The following ZNF277 variants were observed in gnomAD, a reference collection of about 807,000 sequenced individuals.
ZNF277 encodes nuclear receptor-interacting factor 4.
ZNF277 carries 55 observed loss-of-function variants against 60.7 expected under a neutral mutation model. The observed-to-expected ratio is 0.91, with a 90% confidence interval of 0.73 to 1.13. The LOEUF (loss-of-function observed/expected upper bound fraction) is 1.13. ZNF277 is among the 50% of genes most tolerant of loss of function. The pLI is 0.00. For synonymous variants in ZNF277, 178 were observed against 179.3 expected, an observed-to-expected ratio of 0.99 and a Z score of 0.06; for missense variants, 510 against 523.0, an observed-to-expected ratio of 0.98 and a Z score of 0.24.
chr7:112,262,234 TA>T (rs1328117661), intron 1 of ZNF277, among the ~76,000 whole-genome samples: 2 of 54,932 alleles, frequency 3.6e-5, no homozygotes, highest in East Asian at 8.2e-4. Context: ...CTGAGACATT[TA>T]AAAAAGCAAT....
chr7:112,275,695 A>C (rs955885902), intron 1 of ZNF277, among the ~76,000 whole-genome samples: 1 of 152,310 alleles, frequency 6.6e-6, no homozygotes, highest in Admixed American at 6.5e-5. Context: ...TAATATTTCA[A>C]AAAGCTGCTT....
chr7:112,266,702 A>G (rs781751330), intron 1 of ZNF277, among the ~76,000 whole-genome samples: 2 of 152,180 alleles, frequency 1.3e-5, no homozygotes, highest in African/African-American at 2.4e-5. Flanking sequence ...AGAAAATCCT[A>G]CGGAAACCTT....
At position 112,294,527 on chromosome 7, in the gene ZNF277, G is replaced by A. The variant is rs996926824; in HGVS notation, c.294-1342G>A. On this transcript the variant is annotated intron_variant, in intron 2 of 11. Coordinates refer to ENST00000361822, the MANE Select transcript of ZNF277 (RefSeq NM_021994.3). ...ATACAAGTTAGCACTGTTTTATAAG[G>A]AAAGGGTTCTCCCCTTACTTACCCA... Among the ~76,000 whole-genome samples the A allele has an allele frequency of 2.6e-5, 4 of 152,164 alleles. No homozygotes were observed. In the South Asian group the frequency reaches 8.3e-4, roughly 32 times the overall value.
At chr7:112,215,720 A>G (rs567222114) in intron 1 of ZNF277, among the ~76,000 whole-genome samples, 2 of 152,182 alleles carry the variant, frequency 1.3e-5, no homozygotes, top group South Asian at 4.2e-4. Context: ...TCCTCATTTC[A>G]TGTTTTTTTC....
chr7:112,224,481 A>G (rs1262482475), intron 1 of ZNF277, among the ~76,000 whole-genome samples: 1 of 152,358 alleles, frequency 6.6e-6, no homozygotes, highest in East Asian at 1.9e-4. Context: ...GTGGGAATTT[A>G]TAGTCAAGAA....
At chr7:112,210,894 T>C (rs79072766) in intron 1 of ZNF277, among the ~76,000 whole-genome samples, 3,989 of 152,358 alleles carry the variant, frequency 0.026, 161 homozygotes, top group African/African-American at 0.091. Context: ...CGTGGTGTCA[T>C]TGGCATTTGT....
In ZNF277 at chr7:112,289,892, AT is replaced by A. The variant is rs541713440; in HGVS notation, c.293+2830del. 6.9e-3 allele frequency among the ~76,000 whole-genome samples: 1,012 copies of A among 146,846 alleles called. 4 individuals carry two copies. The highest frequency in any genetic ancestry group is 0.035 in the Middle Eastern group (10 of 284). ...AGGCATGCACCACTACGCCTGGCTA[AT>A]TTTTTTTTTTTCTTATACTTTAAGT... On this transcript the variant is annotated intron_variant, in intron 2 of 11. Transcript: ENST00000361822.
At chr7:112,241,718 G>A (rs1462535085) in intron 1 of ZNF277, among the ~76,000 whole-genome samples, 1 of 152,068 alleles carries the variant, frequency 6.6e-6, no homozygotes, top group African/African-American at 2.4e-5. Context: ...GGATGGAATT[G>A]GAGGACATTT....
intron 10 of ZNF277, 28 bp downstream of exon 10, chr7:112,339,913 G>T: frequency 6.2e-7 from 1 of 1,602,708 alleles, no homozygotes; most frequent in South Asian, 1.1e-5. Context: ...GTTTTTTTCT[G>T]TGATGCTTCA....
In ZNF277 at chr7:112,287,065, A is replaced by T; in HGVS notation, c.284A>T (p.Asp95Val). Residue 95 changes from aspartate (D) to valine (V), a missense_variant, in exon 2 of 12, where the codon GAT becomes GTT. Asp to Val is a radical substitution (Grantham distance 152). Transcript: ENST00000361822. The part of the protein sequence containing the change: ...IVIADVKLVA[D>V]FQRYILYWRK... The stretch of plus-strand genomic sequence containing the variant: ...ATAGCTGATGTCAAGTTGGTTGCTG[A>T]TTTCCAAAGGTAAGTTCTGTTTTTG... The T allele has an allele frequency of 6.2e-7, 1 of 1,613,870 alleles. No homozygotes were observed. Among genetic ancestry groups the T allele is most frequent in the Non-Finnish European group, 8.5e-7 (1 of 1,179,890 alleles).
At chr7:112,322,907 T>A (rs1014893699) in intron 5 of ZNF277, among the ~76,000 whole-genome samples, 1 of 152,198 alleles carries the variant, frequency 6.6e-6, no homozygotes, top group Non-Finnish European at 1.5e-5. Flanking sequence ...GTTTAGTGAC[T>A]TTCCTGGACT....
intron 1 of ZNF277, among the ~76,000 whole-genome samples, chr7:112,271,554 A>T (rs1368478866): frequency 6.6e-6 from 1 of 152,232 alleles, no homozygotes; most frequent in Non-Finnish European, 1.5e-5. Flanking sequence ...AAGACTGCTT[A>T]TAACTACATT....
At chr7:112,252,627 A>G (rs1791225249) in intron 1 of ZNF277, among the ~76,000 whole-genome samples, 2 of 152,176 alleles carry the variant, frequency 1.3e-5, no homozygotes, top group Admixed American at 1.3e-4. Context: ...GGCATACAAT[A>G]TAATTTACCA....
intron 1 of ZNF277, among the ~76,000 whole-genome samples, chr7:112,273,971 G>A (rs1791737374): frequency 6.6e-6 from 1 of 151,620 alleles, no homozygotes; most frequent in African/African-American, 2.4e-5. Context: ...AGAACTAAAA[G>A]ACAATTTATT....
chr7:112,331,948 C>T (rs746797725), intron 7 of ZNF277, among the ~76,000 whole-genome samples: 4 of 152,184 alleles, frequency 2.6e-5, no homozygotes, highest in Non-Finnish European at 5.9e-5. Context: ...GAGGAGACTT[C>T]AAGGGATTTG....
intron 1 of ZNF277, among the ~76,000 whole-genome samples, chr7:112,240,868 G>T (rs1338711368): frequency 6.6e-6 from 1 of 152,134 alleles, no homozygotes; most frequent in Non-Finnish European, 1.5e-5. Context: ...ATGGATTAAA[G>T]ACTTAAATCT....
chr7:112,261,831 CTT>C (rs1348275925), intron 1 of ZNF277, among the ~76,000 whole-genome samples: 2 of 152,014 alleles, frequency 1.3e-5, no homozygotes, highest in Non-Finnish European at 2.9e-5. Flanking sequence ...TAATAGAAAA[CTT>C]TTTTAAAGCA....
intron 2 of ZNF277, chr7:112,288,567 A>T (rs1792123272): frequency 6.6e-6 from 1 of 152,202 alleles, no homozygotes; most frequent in African/African-American, 2.4e-5. Flanking sequence ...CTCATCTATA[A>T]AATGGGGGTA....
At chr7:112,327,126 C>T (rs1468545313) in intron 5 of ZNF277, among the ~76,000 whole-genome samples, 2 of 152,088 alleles carry the variant, frequency 1.3e-5, no homozygotes, top group Non-Finnish European at 2.9e-5. Context: ...GCCTCTTACT[C>T]GTCTCCATGA....
Sources: gnomAD v4.1 joint callset for allele counts (sites outside exome capture counted in the v4.1 genomes callset) on GRCh38, gnomAD v4.1.1 for gene constraint, MANE v1.5 for transcripts, NCBI Gene and HGNC (gene_info 2026-07-23, HGNC 2026-07-21) for gene names.